SESN2: variants seen among roughly 807,000 people sequenced by gnomAD.
The protein encoded by SESN2 is sestrin-2.
Under a neutral mutation model 56.0 loss-of-function variants are expected in SESN2, and 42 were observed. The observed-to-expected ratio is 0.75, with a 90% CI of 0.59 to 0.97. The LOEUF (loss-of-function observed/expected upper bound fraction) is 0.97, where lower values mean the gene tolerates loss of function less well. SESN2 is among the 50% of genes least tolerant of loss of function. The pLI, the probability that SESN2 is intolerant of heterozygous loss-of-function variation, is 0.00. For synonymous variants in SESN2, 264 were observed against 267.1 expected, an observed-to-expected ratio of 0.99 and a Z score of 0.11; for missense variants, 507 against 649.4, an observed-to-expected ratio of 0.78 and a Z score of 2.38.
chr1:28,265,165 T>G (rs141283174), intron 1 of SESN2, among the ~76,000 whole-genome samples: 1 of 152,216 alleles, frequency 6.6e-6, no homozygotes, highest in Non-Finnish European at 1.5e-5. Context: ...AGCCTTGTTA[T>G]GCACCATTGT....
intron 1 of SESN2, among the ~76,000 whole-genome samples, chr1:28,260,537 C>A (rs1012081909): frequency 6.6e-6 from 1 of 151,512 alleles, no homozygotes; most frequent in African/African-American, 2.4e-5. Context: ...GCGGGCCGCC[C>A]GGTACGCGGC....
intron 1 of SESN2, among the ~76,000 whole-genome samples, chr1:28,266,154 G>C (rs1647553159): frequency 6.6e-6 from 1 of 152,122 alleles, no homozygotes; most frequent in South Asian, 2.1e-4. Context: ...CCTTATACTT[G>C]AGAAAGTGAT....
rs76338904 is a variant in SESN2 at position 28,272,219 on chromosome 1, G to A, written c.355-65G>A. The A allele has an allele frequency of 8.7e-4, 1,354 of 1,551,516 alleles. 17 individuals carry two copies. The East Asian group carries it at 0.022, about 26-fold the overall frequency. ...GCCCTACAACCTCTCCCCTGATGGG[G>A]TACCCACCCTGAGCCAGGCACAAAA... is the stretch of plus-strand genomic sequence containing the variant. On this transcript the variant is annotated intron_variant, in intron 3 of 9. Transcript: ENST00000253063.
At chr1:28,265,583 C>T (rs1390434671) in intron 1 of SESN2, among the ~76,000 whole-genome samples, 2 of 152,052 alleles carry the variant, frequency 1.3e-5, no homozygotes, top group African/African-American at 4.8e-5. Context: ...TTAGTAGAGA[C>T]GGGGTTTCTC....
At chr1:28,265,085 G>A (rs1318365915) in intron 1 of SESN2, among the ~76,000 whole-genome samples, 1 of 152,018 alleles carries the variant, frequency 6.6e-6, no homozygotes, top group East Asian at 1.9e-4. Flanking sequence ...TAAAATGGAA[G>A]CCCTAGTAGT....
chr1:28,260,066 C>G, intron 1 of SESN2, 129 bp downstream of exon 1: 1 of 635,124 alleles, frequency 1.6e-6, no homozygotes, highest in Non-Finnish European at 2.5e-6. Context: ...ACCCGGGACC[C>G]GGGTTGCATC....
rs376399839 is a variant in SESN2 at position 28,265,691 on chromosome 1, G to A, written c.91-3492G>A. On this transcript the variant is annotated intron_variant, in intron 1 of 9. Transcript: ENST00000253063. The stretch of plus-strand genomic sequence containing the variant: ...ATTTCAGGCGTGAGCCACTGCGCCC[G>A]GCCTGTTTGTTTTTTAAGAGAGGGT... Among the ~76,000 whole-genome samples, 8 of 152,180 alleles carry A rather than the reference G, an allele frequency of 5.3e-5. No individual in the cohort carries two copies. In the East Asian group the frequency reaches 5.8e-4, roughly 11 times the overall value.
At chr1:28,268,066 G>A (rs1647619401) in intron 1 of SESN2, among the ~76,000 whole-genome samples, 1 of 152,210 alleles carries the variant, frequency 6.6e-6, no homozygotes, top group Admixed American at 6.5e-5. Context: ...GTATCTGGAA[G>A]CCCATGGGAG....
At position 28,274,850 on chromosome 1, in the gene SESN2, A is replaced by G; in HGVS notation, c.1046A>G (p.Tyr349Cys). ...GATTATACCTGGGAAGACCATGGCT[A>G]CTCGCTGATCCAGCGGCTTTACCCT... ...AQDYTWEDHG[Y>C]SLIQRLYPEG... The change falls in exon 8 of 10, where the codon TAC becomes TGC. Residue 349 changes from tyrosine to cysteine, a missense_variant. Physicochemically the swap from Tyr to Cys is radical, Grantham distance 194. Coordinates refer to ENST00000253063, the MANE Select transcript of SESN2 (RefSeq NM_031459.5). The G allele has an allele frequency of 1.2e-6, 2 of 1,613,892 alleles. No homozygotes were observed. Among genetic ancestry groups the G allele is most frequent in the Admixed American group, 3.3e-5 (2 of 60,004 alleles).
rs373732231 is a variant in SESN2, at chr1:28,272,765, C to A, written c.722C>A (p.Pro241Gln). The change falls in exon 5 of 10, where the codon CCA becomes CAA. Residue 241 changes from proline to glutamine, a missense_variant. Physicochemically the swap from Pro to Gln is moderately conservative, Grantham distance 76. Coordinates refer to ENST00000253063, the MANE Select transcript of SESN2 (RefSeq NM_031459.5). ...PTPPSEQSSP[P>Q]SRDPLNNSGG... ...CCCCCTAGTGAACAGAGCAGCCCCCCAAGCAGGGACCCGTTGAACAACTCT... is the reference window on the plus strand; with the variant it reads ...CCCCCTAGTGAACAGAGCAGCCCCCAAAGCAGGGACCCGTTGAACAACTCT... 4 of 1,603,846 alleles carry A rather than the reference C, an allele frequency of 2.5e-6. No homozygotes were observed. The African/African-American group carries it at 5.4e-5, about 21-fold the overall frequency.
At chr1:28,269,074 G>C (rs1252231187) in intron 1 of SESN2, 109 bp from the exon 2 acceptor site, 2 of 662,540 alleles carry the variant, frequency 3.0e-6, no homozygotes, top group Non-Finnish European at 5.1e-6. Flanking sequence ...TAGAAAGGTG[G>C]GTTTAACACT....
rs1194510391 is a variant in SESN2 at position 28,272,413 on chromosome 1, A to G, written c.484A>G (p.Ile162Val). Residue 162 changes from isoleucine (I) to valine (V), a missense_variant, in exon 4 of 10, where the codon ATC becomes GTC. Ile to Val is a conservative substitution (Grantham distance 29, BLOSUM62 3). Transcript: ENST00000253063. ...APEKLRKLSE[I>V]NKLLAHRPWL... ...CGAGAAGCTGCGCAAACTCAGCGAG[A>G]TCAACAAGTTGCTGGCGCATCGGCC... is the stretch of plus-strand genomic sequence containing the variant. The G allele has an allele frequency of 1.9e-6, 3 of 1,613,518 alleles. No individual in the cohort carries two copies. The highest frequency in any genetic ancestry group is 2.5e-6 in the Non-Finnish European group (3 of 1,180,020).
At position 28,274,991 on chromosome 1, in the gene SESN2, A is replaced by G. The variant is rs1572097239; in HGVS notation, c.1187A>G (p.Tyr396Cys). 6.2e-7 allele frequency: 1 copy of G among 1,613,800 alleles called. No individual in the cohort carries two copies. The highest frequency in any genetic ancestry group is 1.7e-5 in the Admixed American group (1 of 60,020). Residue 396 changes from tyrosine to cysteine, a missense_variant, in exon 8 of 10, where the codon TAT (tyrosine) becomes TGT (cysteine). By Grantham distance (194) the Tyr-to-Cys change is radical. Coordinates refer to ENST00000253063, the MANE Select transcript of SESN2 (RefSeq NM_031459.5). ...TSVLRRAIWNYIHCVFGIRYD... is the reference protein window; with the variant it reads ...TSVLRRAIWNCIHCVFGIRYD... ...GTGCTCCGCAGGGCCATCTGGAACT[A>G]TATCCACTGCGTCTTTGGCATCAGG... is the stretch of plus-strand genomic sequence containing the variant.
rs545653701 is a variant in SESN2, at chr1:28,260,946, C to T, written c.90+1009C>T. On this transcript the variant is annotated intron_variant, in intron 1 of 9. Coordinates refer to ENST00000253063, the MANE Select transcript of SESN2 (RefSeq NM_031459.5). The stretch of plus-strand genomic sequence containing the variant: ...CAAGCTACGCTATAGCCCCATTTTA[C>T]AGGAAGAACATTGAGGCCCACGATG... Among the ~76,000 whole-genome samples the T allele has an allele frequency of 3.9e-5, 6 of 152,244 alleles. No individual in the cohort carries two copies. The South Asian group carries it at 1.2e-3, about 32-fold the overall frequency.
intron 2 of SESN2, 106 bp downstream of exon 2, chr1:28,269,354 A>G: frequency 1.5e-6 from 1 of 665,292 alleles, no homozygotes; most frequent in South Asian, 2.2e-5. Flanking sequence ...CTTTTAAGCT[A>G]TTCCTTTCTG....
Position 28,271,615 on chromosome 1 carries a change from G to A in SESN2, c.157-59G>A. The A allele has an allele frequency of 2.2e-6, 3 of 1,351,096 alleles. No individual in the cohort carries two copies. In the Admixed American group the frequency reaches 5.1e-5, roughly 23 times the overall value. 83.7% of individuals were successfully genotyped at this position (1,351,096 alleles called of 1,614,324 possible). ...AAAAACCCACTGGAAGAATACATTG[G>A]TCTCTTTGATGAGTGGGGCAGGAGG... On this transcript the variant is annotated intron_variant, in intron 2 of 9. Transcript: ENST00000253063.
intron 8 of SESN2, among the ~76,000 whole-genome samples, chr1:28,277,862 C>T (rs957267080): frequency 1.3e-5 from 2 of 152,186 alleles, no homozygotes; most frequent in Non-Finnish European, 2.9e-5. Context: ...CATGGCTGGC[C>T]AAGGACAGGC....
intron 8 of SESN2, among the ~76,000 whole-genome samples, chr1:28,276,440 C>G (rs755384139): frequency 3.9e-5 from 6 of 152,060 alleles, no homozygotes; most frequent in Non-Finnish European, 5.9e-5. Context: ...GAATGCACCA[C>G]TGCACTCCAG....
At chr1:28,275,519 C>T (rs1162150537) in intron 8 of SESN2, among the ~76,000 whole-genome samples, 2 of 141,334 alleles carry the variant, frequency 1.4e-5, no homozygotes, top group Non-Finnish European at 3.1e-5. Context: ...CTTTGGGAGG[C>T]CGAGGCGGGC....
Sources: gnomAD v4.1 joint callset for allele counts (sites outside exome capture counted in the v4.1 genomes callset) on GRCh38, gnomAD v4.1.1 for gene constraint, MANE v1.5 for transcripts, NCBI Gene and HGNC (gene_info 2026-07-23, HGNC 2026-07-21) for gene names.